Variants in GPD1L observed in about 807,000 individuals in gnomAD.
GPD1L encodes glycerol-3-phosphate dehydrogenase 1-like protein.
GPD1L carries 17 observed loss-of-function variants against 32.9 expected under a neutral mutation model. The observed-to-expected ratio is 0.52, with a 90% CI of 0.35 to 0.78. The LOEUF (loss-of-function observed/expected upper bound fraction) is 0.78. Among genes scored for constraint, GPD1L ranks in the 30% least tolerant of loss-of-function variants. GPD1L has a pLI of 0.01. For synonymous variants in GPD1L, 187 were observed against 165.9 expected (o/e 1.13, Z -0.98); for missense variants, 361 against 447.8 (o/e 0.81, Z 1.75).
At chr3:32,107,538 A>G (rs1009880253) in intron 1 of GPD1L, among the ~76,000 whole-genome samples, 4 of 152,220 alleles carry the variant, frequency 2.6e-5, no homozygotes, top group African/African-American at 4.8e-5. Context: ...AGCAAAGTGT[A>G]GCATCTGGTG....
At chr3:32,156,383 G>T (rs1012432543) in intron 5 of GPD1L, among the ~76,000 whole-genome samples, 8 of 152,296 alleles carry the variant, frequency 5.3e-5, no homozygotes, top group Admixed American at 4.6e-4. Context: ...CATTTTTAGA[G>T]AATTTTTCCA....
chr3:32,134,500 T>C (rs77474824), intron 2 of GPD1L, among the ~76,000 whole-genome samples: 1,641 of 152,312 alleles, frequency 0.011, 27 homozygotes, highest in African/African-American at 0.037. Context: ...TTTGTTTGTT[T>C]GCTTGTGACA....
rs368636756 is a variant in GPD1L at position 32,112,787 on chromosome 3, T to C, written c.47+6029T>C. Among the ~76,000 whole-genome samples the C allele has an allele frequency of 9.2e-5, 14 of 152,340 alleles. 1 individual carries two copies. In the East Asian group the frequency reaches 2.7e-3, roughly 29 times the overall value. On this transcript the variant is annotated intron_variant, in intron 1 of 7. Transcript: ENST00000282541. ...TTCTCTTCCTTAAGAGGCATAAATA[T>C]AATAATTTATCATTTTCTGTGTGTC...
chr3:32,159,702 AG>A, intron 7 of GPD1L, 28 bp downstream of exon 7: 4 of 1,277,252 alleles, frequency 3.1e-6, no homozygotes, highest in Non-Finnish European at 4.6e-6. Flanking sequence ...CCATGAGACC[AG>A]ATAAATGTCC....
At chr3:32,123,548 T>C (rs1398529253) in intron 1 of GPD1L, among the ~76,000 whole-genome samples, 2 of 152,120 alleles carry the variant, frequency 1.3e-5, no homozygotes, top group South Asian at 2.1e-4. Context: ...GATTCGATCA[T>C]AGACCTGGAA....
At chr3:32,119,052 T>C (rs1408843340) in intron 1 of GPD1L, among the ~76,000 whole-genome samples, 2 of 152,216 alleles carry the variant, frequency 1.3e-5, no homozygotes, top group Non-Finnish European at 2.9e-5. Flanking sequence ...CTTTTGGCAA[T>C]TGTGAATAGT....
At chr3:32,136,136 T>C (rs1002265530) in intron 2 of GPD1L, among the ~76,000 whole-genome samples, 1 of 152,190 alleles carries the variant, frequency 6.6e-6, no homozygotes, top group Non-Finnish European at 1.5e-5. Context: ...AACAGGGCCC[T>C]GTTTTTCCCT....
At chr3:32,122,524 T>G (rs146977643) in intron 1 of GPD1L, among the ~76,000 whole-genome samples, 98 of 152,380 alleles carry the variant, frequency 6.4e-4, no homozygotes, top group Non-Finnish European at 1.1e-3. Flanking sequence ...TAGTGTATAC[T>G]TTAAGGCCTA....
At chr3:32,125,451 G>A (rs950773493) in intron 1 of GPD1L, among the ~76,000 whole-genome samples, 5 of 152,176 alleles carry the variant, frequency 3.3e-5, no homozygotes, top group African/African-American at 9.7e-5. Flanking sequence ...CCTGATTTGC[G>A]AAGCTTTTTT....
intron 5 of GPD1L, among the ~76,000 whole-genome samples, chr3:32,147,443 A>T (rs1700847540): frequency 6.6e-6 from 1 of 152,156 alleles, no homozygotes; most frequent in Admixed American, 6.5e-5. Context: ...AGGTAAAGGG[A>T]GGTCTCCACA....
At chr3:32,109,377 C>T (rs868650074) in intron 1 of GPD1L, among the ~76,000 whole-genome samples, 3 of 152,220 alleles carry the variant, frequency 2.0e-5, no homozygotes, top group Admixed American at 6.5e-5. Context: ...AAGTGAGCCT[C>T]CTGCCCCCTC....
intron 4 of GPD1L, among the ~76,000 whole-genome samples, chr3:32,143,929 C>CAGT (rs2125488582): frequency 6.6e-6 from 1 of 152,198 alleles, no homozygotes; most frequent in Admixed American, 6.5e-5. Flanking sequence ...CTGCAATGAG[C>CAGT]AGTGATCGCA....
At chr3:32,137,486 A>AT (rs1246180703) in intron 2 of GPD1L, among the ~76,000 whole-genome samples, 1 of 152,142 alleles carries the variant, frequency 6.6e-6, no homozygotes, top group Non-Finnish European at 1.5e-5. Context: ...CTTCCAGGAC[A>AT]TTTTCTAGAA....
intron 4 of GPD1L, among the ~76,000 whole-genome samples, chr3:32,142,124 C>CT (rs11286209): frequency 6.7e-4 from 97 of 145,802 alleles, no homozygotes; most frequent in South Asian, 1.5e-3. Context: ...ACATGATTTT[C>CT]TTTTTTTTTT....
intron 7 of GPD1L, among the ~76,000 whole-genome samples, chr3:32,164,922 C>G (rs1306771470): frequency 6.6e-6 from 1 of 152,212 alleles, no homozygotes; most frequent in South Asian, 2.1e-4. Flanking sequence ...ATTTAAAAGC[C>G]TGGGCCGGCG....
chr3:32,136,766 GT>G (rs200446331), intron 2 of GPD1L, among the ~76,000 whole-genome samples: 7 of 151,036 alleles, frequency 4.6e-5, no homozygotes, highest in Non-Finnish European at 1.0e-4. Context: ...CATGTTTTTT[GT>G]TTTTTTTTCC....
chr3:32,162,803 C>G (rs930218158), intron 7 of GPD1L, among the ~76,000 whole-genome samples: 7 of 152,120 alleles, frequency 4.6e-5, no homozygotes, highest in African/African-American at 1.4e-4. Context: ...CTCTGTCACC[C>G]AGGCTGGAGT....
chr3:32,117,717 C>T (rs1276576349), intron 1 of GPD1L, among the ~76,000 whole-genome samples: 1 of 152,178 alleles, frequency 6.6e-6, no homozygotes, highest in Non-Finnish European at 1.5e-5. Flanking sequence ...TTGTTTGAAG[C>T]ACCATGGACA....
chr3:32,123,814 A>ATAGG, intron 1 of GPD1L, among the ~76,000 whole-genome samples: 1 of 142,266 alleles, frequency 7.0e-6, no homozygotes, highest in Non-Finnish European at 1.6e-5. Context: ...AGATAGATAG[A>ATAGG]TAGATAGATA....
Sources: gnomAD v4.1 joint callset for allele counts (sites outside exome capture counted in the v4.1 genomes callset) on GRCh38, gnomAD v4.1.1 for gene constraint, MANE v1.5 for transcripts, NCBI Gene and HGNC (gene_info 2026-07-23, HGNC 2026-07-21) for gene names.